Variants in CDH12 observed in about 807,000 individuals in gnomAD.
CDH12 encodes cadherin 12, also known as cadherin-12.
A neutral mutation model predicts 74.1 loss-of-function variants in CDH12; 41 were observed. The observed-to-expected ratio is 0.55, with a 90% CI of 0.43 to 0.72. The LOEUF (loss-of-function observed/expected upper bound fraction) is 0.72, where lower values mean the gene tolerates loss of function less well. CDH12 is among the 30% of genes least tolerant of loss of function. The probability of loss-of-function intolerance (pLI) is 0.00; values close to 1 mark genes in which losing one functional copy is unlikely to be tolerated. For synonymous variants in CDH12, 399 were observed against 355.0 expected, an observed-to-expected ratio of 1.12 and a Z score of -1.39; for missense variants, 945 against 977.2, an observed-to-expected ratio of 0.97 and a Z score of 0.44.
intron 1 of CDH12, among the ~76,000 whole-genome samples, chr5:22,695,438 A>G (rs1742310162): frequency 6.6e-6 from 1 of 152,152 alleles, no homozygotes. Context: ...AGACCGATGG[A>G]ACAGAGACAT....
rs547801726 is a variant in CDH12, at chr5:21,862,933, T to C, written c.527-8143A>G. ...GAAATGAATCCTGTCTGCCTTCTCC[T>C]TCAGCCCCTTCAGTTCCTTTAACAT... On this transcript the variant is annotated intron_variant, in intron 6 of 14. Transcript: ENST00000382254. Among the ~76,000 whole-genome samples, 3 of 152,270 alleles carry C rather than the reference T, an allele frequency of 2.0e-5. No individual in the cohort carries two copies. In the South Asian group the frequency reaches 6.2e-4, roughly 32 times the overall value.
At chr5:22,064,709 G>A (rs1319187601) in intron 5 of CDH12, among the ~76,000 whole-genome samples, 3 of 152,146 alleles carry the variant, frequency 2.0e-5, no homozygotes, top group Non-Finnish European at 4.4e-5. Context: ...TGGGCTGGCT[G>A]CCTCTAACAT....
intron 1 of CDH12, among the ~76,000 whole-genome samples, chr5:22,805,329 C>A (rs1289747503): frequency 6.6e-6 from 1 of 151,806 alleles, no homozygotes; most frequent in African/African-American, 2.4e-5. Context: ...ACTCCACCAC[C>A]AGATTATTTG....
intron 4 of CDH12, among the ~76,000 whole-genome samples, chr5:22,186,200 A>C (rs1347774397): frequency 6.6e-6 from 1 of 152,210 alleles, no homozygotes; most frequent in Non-Finnish European, 1.5e-5. Flanking sequence ...TGCCTCTTTC[A>C]AAGTCAATTT....
chr5:22,467,803 C>T (rs1030179029), intron 2 of CDH12, among the ~76,000 whole-genome samples: 3 of 152,320 alleles, frequency 2.0e-5, no homozygotes, highest in Non-Finnish European at 2.9e-5. Flanking sequence ...TCAAAGATCA[C>T]CAGATCCACC....
chr5:22,501,577 T>A (rs897342908), intron 2 of CDH12, among the ~76,000 whole-genome samples: 4 of 152,174 alleles, frequency 2.6e-5, no homozygotes, highest in Non-Finnish European at 5.9e-5. Context: ...TGTGAAATCC[T>A]AACAGGCGTG....
At position 21,752,164 on chromosome 5, in the gene CDH12, A is replaced by G. The variant is rs1329183258; in HGVS notation, c.1958T>C (p.Ile653Thr). ...KDTLMTSKEDIRDNVIHYDDE... is the reference protein window; with the variant it reads ...KDTLMTSKEDTRDNVIHYDDE... ...ATCGTAATGGATGACGTTGTCTCTG[A>G]TGTCTTCTTTAGAGGTCATCAGGGT... Residue 653 changes from isoleucine to threonine, a missense_variant, in exon 15 of 15, where the codon ATC becomes ACC. By Grantham distance (89) the Ile-to-Thr change is moderately conservative (BLOSUM62 -1). Around this residue, in one of 3 missense-constraint regions of CDH12, gnomAD observed 791 missense variants for 792.8 expected, o/e 1.00. Transcript: ENST00000382254. 1 of 1,613,956 alleles carries G rather than the reference A, an allele frequency of 6.2e-7. No homozygotes were observed. The highest frequency in any genetic ancestry group is 1.1e-5 in the South Asian group (1 of 91,072).
At chr5:21,802,759 T>G (rs1747205653) in intron 9 of CDH12, among the ~76,000 whole-genome samples, 1 of 151,806 alleles carries the variant, frequency 6.6e-6, no homozygotes, top group South Asian at 2.1e-4. Context: ...GCCTGGCTAA[T>G]TTTTGTATTT....
rs78673501 is a variant in CDH12 at position 22,286,084 on chromosome 5, A to T, written c.-332-73441T>A. ...TTAGTTTGAGTTTTAATATACTTTG[A>T]TAGTAACTTATTTCTTATTGCCTCA... On this transcript the variant is annotated intron_variant, in intron 3 of 14. Coordinates refer to ENST00000382254, the MANE Select transcript of CDH12 (RefSeq NM_004061.5). 7.9e-3 allele frequency among the ~76,000 whole-genome samples: 1,203 copies of T among 152,236 alleles called. 18 individuals are homozygous for T. The highest frequency in any genetic ancestry group is 0.028 in the African/African-American group (1,148 of 41,546).
chr5:22,485,112 G>T (rs192765756), intron 2 of CDH12, among the ~76,000 whole-genome samples: 1 of 152,250 alleles, frequency 6.6e-6, no homozygotes, highest in East Asian at 1.9e-4. Context: ...TTGTTCAGGT[G>T]TATAAAAACT....
rs918139701 is a variant in CDH12, at chr5:22,354,453, A to G, written c.-333+50804T>C. Among the ~76,000 whole-genome samples, 16 of 152,276 alleles carry G rather than the reference A, an allele frequency of 1.1e-4. No individual in the cohort carries two copies. In the South Asian group the frequency reaches 3.1e-3, roughly 30 times the overall value. On this transcript the variant is annotated intron_variant, in intron 3 of 14. Coordinates refer to ENST00000382254, the MANE Select transcript of CDH12 (RefSeq NM_004061.5). ...TCTACATGTTTGAACACCCAAATAG[A>G]AGATACAGATTATTTAAGAAGACAC... is the stretch of plus-strand genomic sequence containing the variant.
rs570215184 is a variant in CDH12, at chr5:22,736,715, A to AAC, written c.-523+116341_-523+116342dup. On this transcript the variant is annotated intron_variant, in intron 1 of 14. Coordinates refer to ENST00000382254, the MANE Select transcript of CDH12 (RefSeq NM_004061.5). ...ATACAACCTGAAGGCTGAAAGTTTA[A>AAC]ACACACACACACACACACAAAAAGC... is the stretch of plus-strand genomic sequence containing the variant. Among the ~76,000 whole-genome samples, 158 of 150,894 alleles carry AAC rather than the reference A, an allele frequency of 1.0e-3. 2 individuals are homozygous for AAC. The highest frequency in any genetic ancestry group is 6.4e-3 in the East Asian group (33 of 5,142).
chr5:22,438,074 C>A (rs769841400), intron 2 of CDH12, among the ~76,000 whole-genome samples: 6 of 151,874 alleles, frequency 4.0e-5, no homozygotes, highest in African/African-American at 1.4e-4. Flanking sequence ...GAATCTATGG[C>A]AAATTTGGTG....
At chr5:22,533,509 T>G (rs1429846061) in intron 1 of CDH12, among the ~76,000 whole-genome samples, 1 of 152,264 alleles carries the variant, frequency 6.6e-6, no homozygotes, top group South Asian at 2.1e-4. Flanking sequence ...TCATTAAATC[T>G]ATCAGGAACC....
chr5:22,016,665 T>C lies in CDH12; in HGVS notation c.232-41280A>G, dbSNP rs542278112. On this transcript the variant is annotated intron_variant, in intron 5 of 14. Coordinates refer to ENST00000382254, the MANE Select transcript of CDH12 (RefSeq NM_004061.5). Reference sequence around the variant, plus strand: ...CCTCCCAAAGTGCTGGGATTACAGGTGTGAGCCACCATGCCCGGCCTTGTA... The same window carrying C: ...CCTCCCAAAGTGCTGGGATTACAGGCGTGAGCCACCATGCCCGGCCTTGTA... 3.0e-4 allele frequency among the ~76,000 whole-genome samples: 45 copies of C among 152,148 alleles called. No individual in the cohort carries two copies. In the East Asian group the frequency reaches 8.5e-3, roughly 29 times the overall value.
chr5:22,586,916 G>C (rs1740433941), intron 1 of CDH12, among the ~76,000 whole-genome samples: 1 of 144,384 alleles, frequency 6.9e-6, no homozygotes, highest in South Asian at 2.2e-4. Context: ...GTGTGGTCTC[G>C]GGTCACTGCA....
At chr5:22,672,150 A>T (rs10040534) in intron 1 of CDH12, among the ~76,000 whole-genome samples, 93,943 of 140,124 alleles carry the variant, frequency 0.67, 31,393 homozygotes, top group Admixed American at 0.73. Flanking sequence ...TATATTTATT[A>T]TATATATTAT....
intron 4 of CDH12, among the ~76,000 whole-genome samples, chr5:22,124,868 T>C (rs1580289146): frequency 6.6e-6 from 1 of 152,246 alleles, no homozygotes; most frequent in Admixed American, 6.5e-5. Context: ...CTAAGGTTAC[T>C]AATATGCAGC....
chr5:22,185,606 T>C (rs1749898343), intron 4 of CDH12, among the ~76,000 whole-genome samples: 2 of 152,334 alleles, frequency 1.3e-5, no homozygotes, highest in South Asian at 2.1e-4. Context: ...TACTATTCAT[T>C]GTCTCAAACA....
Sources: gnomAD v4.1 joint callset for allele counts (sites outside exome capture counted in the v4.1 genomes callset) on GRCh38, gnomAD v4.1.1 for gene constraint, gnomAD v4.1.1 regional missense constraint, MANE v1.5 for transcripts, NCBI Gene and HGNC (gene_info 2026-07-23, HGNC 2026-07-21) for gene names.